The following CACNA2D4 variants were observed in gnomAD, a reference collection of about 807,000 sequenced individuals.
CACNA2D4 encodes calcium voltage-gated channel auxiliary subunit alpha2delta 4, also known as voltage-dependent calcium channel subunit alpha-2/delta-4.
Under a neutral mutation model 163.8 loss-of-function variants are expected in CACNA2D4, and 157 were observed. The ratio of observed to expected loss-of-function variants is 0.96; its 90% CI spans 0.84 to 1.09. The LOEUF (loss-of-function observed/expected upper bound fraction) is 1.09. Ranked by LOEUF, CACNA2D4 falls within the 50% of genes least tolerant of loss-of-function variation. The probability of loss-of-function intolerance (pLI) is 0.00; values close to 1 mark genes in which losing one functional copy is unlikely to be tolerated. For missense variants in CACNA2D4, 1,410 were observed against 1,479.9 expected (o/e 0.95, Z 0.78); for synonymous variants, 598 against 586.9 (o/e 1.02, Z -0.27).
chr12:1,866,787 A>T (rs1228486356), intron 18 of CACNA2D4, among the ~76,000 whole-genome samples: 7 of 136,548 alleles, frequency 5.1e-5, no homozygotes, highest in South Asian at 2.4e-4. Flanking sequence ...CACCTGGCTA[A>T]TTTTTTTTTT....
chr12:1,799,606 GGTTCTTTGTAGCTCCTGCT>G lies in CACNA2D4; in HGVS notation c.2995+50_2995+68del, dbSNP rs1863242273. On this transcript the variant is annotated intron_variant, in intron 34 of 37. Coordinates refer to ENST00000382722, the MANE Select transcript of CACNA2D4 (RefSeq NM_172364.5). The surrounding 1 kb of genome is among the most constrained non-coding windows in gnomAD (Gnocchi z 4.7). ...TTCCTGGGACAGGTCATGGAGGGTG[GGTTCTTTGTAGCTCCTGCT>G]GCGTCCCCAACCCACCGCCAGCAGG... is the stretch of plus-strand genomic sequence containing the variant. The G allele has an allele frequency of 6.6e-7, 1 of 1,506,826 alleles. No individual in the cohort carries two copies. The highest frequency in any genetic ancestry group is 2.0e-5 in the Admixed American group (1 of 50,888). The allele number at this position is 1,506,826 out of a possible 1,614,324, so 93.3% of individuals were successfully genotyped here. A position where few individuals can be genotyped will look rare whatever the true frequency, so the allele number is the denominator to read the frequency against.
In CACNA2D4 at chr12:1,806,438, GC is replaced by G. The variant is rs1183731149; in HGVS notation, c.2721+3839del. On this transcript the variant is annotated intron_variant, in intron 29 of 37. Transcript: ENST00000382722. This position sits in a 1 kb window ranked among gnomAD's most constrained non-coding sequence, Gnocchi z 4.1. ...AAGCAGCCACTCCCTGGGGCTGGCT[GC>G]AGATGAGGCCCTTGTGGTTTCCCCA... Among the ~76,000 whole-genome samples, 2 of 152,236 alleles carry G rather than the reference GC, an allele frequency of 1.3e-5. No homozygotes were observed. Among genetic ancestry groups the G allele is most frequent in the African/African-American group, 4.8e-5 (2 of 41,458 alleles).
intron 1 of CACNA2D4, among the ~76,000 whole-genome samples, chr12:1,915,458 A>G (rs1271262111): frequency 6.6e-6 from 1 of 152,164 alleles, no homozygotes; most frequent in Non-Finnish European, 1.5e-5. Flanking sequence ...GACCCTGAGG[A>G]CAAAGGACAA....
chr12:1,807,316 C>T (rs1259494969), intron 29 of CACNA2D4, among the ~76,000 whole-genome samples: 1 of 151,462 alleles, frequency 6.6e-6, no homozygotes, highest in African/African-American at 2.4e-5. Context: ...CCAGTCAAGC[C>T]TGGACATGAC....
rs1301508679 is a variant in CACNA2D4 at position 1,917,594 on chromosome 12, AG to A, written c.227+652del. On this transcript the variant is annotated intron_variant, in intron 1 of 37. Transcript: ENST00000382722. The surrounding 1 kb of genome is among the most constrained non-coding windows in gnomAD (Gnocchi z 4.3). ...GGCCTAAAACACAGACACCCCAGAG[AG>A]GTTGCACAGTAATTTACATGTACAC... Among the ~76,000 whole-genome samples, 1 of 152,138 alleles carries A rather than the reference AG, an allele frequency of 6.6e-6. No individual in the cohort carries two copies. The highest frequency in any genetic ancestry group is 2.4e-5 in the African/African-American group (1 of 41,420).
At chr12:1,857,099 T>C (rs535691248) in intron 20 of CACNA2D4, among the ~76,000 whole-genome samples, 2 of 151,906 alleles carry the variant, frequency 1.3e-5, no homozygotes, top group South Asian at 4.2e-4. Flanking sequence ...GAGGAAGAAA[T>C]GTGTAGGAAG....
chr12:1,910,760 C>T (rs938408581), intron 3 of CACNA2D4, among the ~76,000 whole-genome samples: 4 of 152,104 alleles, frequency 2.6e-5, no homozygotes, highest in African/African-American at 9.7e-5. Flanking sequence ...CAAATGGTCA[C>T]GTATTGTATG....
intron 29 of CACNA2D4, among the ~76,000 whole-genome samples, chr12:1,807,183 T>C (rs1356147216): frequency 6.6e-6 from 1 of 151,938 alleles, no homozygotes; most frequent in Non-Finnish European, 1.5e-5. Flanking sequence ...TGAAGGAACT[T>C]TGAGCTGTGA....
At chr12:1,832,536 AT>A (rs1248147134) in intron 26 of CACNA2D4, among the ~76,000 whole-genome samples, 2 of 152,364 alleles carry the variant, frequency 1.3e-5, no homozygotes, top group Middle Eastern at 3.4e-3. Flanking sequence ...AGTGGTGAAA[AT>A]AATGCCAATG....
At chr12:1,905,048 C>A (rs1592747485) in intron 6 of CACNA2D4, among the ~76,000 whole-genome samples, 1 of 152,070 alleles carries the variant, frequency 6.6e-6, no homozygotes, top group East Asian at 1.9e-4. Flanking sequence ...TCCTGGAATG[C>A]AAGGATGGTT....
At chr12:1,856,605 T>C (rs549658935) in intron 20 of CACNA2D4, among the ~76,000 whole-genome samples, 1 of 152,182 alleles carries the variant, frequency 6.6e-6, no homozygotes, top group Non-Finnish European at 1.5e-5. Context: ...AGACAGCAGC[T>C]CCCTGAGGAA....
At chr12:1,909,368 A>AT (rs1387392995) in intron 4 of CACNA2D4, among the ~76,000 whole-genome samples, 3 of 152,024 alleles carry the variant, frequency 2.0e-5, no homozygotes, top group Admixed American at 2.0e-4. Context: ...AATTTTTTGC[A>AT]TTTTTTTAGT....
intron 23 of CACNA2D4, among the ~76,000 whole-genome samples, chr12:1,850,474 G>A (rs117738252): frequency 1.1e-4 from 17 of 152,208 alleles, no homozygotes; most frequent in East Asian, 7.7e-4. Context: ...GTCCTTTGTC[G>A]TGAATACATA....
intron 18 of CACNA2D4, among the ~76,000 whole-genome samples, chr12:1,866,277 C>T (rs1046566044): frequency 3.9e-5 from 6 of 152,164 alleles, no homozygotes; most frequent in African/African-American, 1.4e-4. Context: ...ATTGCACTGA[C>T]TGATTAATTT....
At chr12:1,862,927 A>C (rs1173661995) in intron 18 of CACNA2D4, among the ~76,000 whole-genome samples, 1 of 152,040 alleles carries the variant, frequency 6.6e-6, no homozygotes, top group Non-Finnish European at 1.5e-5. Flanking sequence ...CAGAACTTTT[A>C]CTTTCAATGA....
intron 23 of CACNA2D4, among the ~76,000 whole-genome samples, chr12:1,847,309 T>C (rs1234650231): frequency 3.9e-5 from 6 of 152,220 alleles, no homozygotes; most frequent in Non-Finnish European, 5.9e-5. Flanking sequence ...CCAGATGATA[T>C]TCTTGTCTTT....
Position 1,858,641 on chromosome 12 carries a change from C to T in CACNA2D4, c.1944G>A (p.Leu648=). Residue 648 remains leucine (L), a synonymous_variant, in exon 20 of 38, where the codon TTG becomes TTA. Transcript: ENST00000382722. ...CGTGGCCCCGGGACAGCACCACCCC[C>T]AAACTGTGGGGAGAGAAGAGAAGGC... ...FTDISDTPFS[L]GVVLSRGHGE... 1 of 1,600,148 alleles carries T rather than the reference C, an allele frequency of 6.2e-7. No individual in the cohort carries two copies. The highest frequency in any genetic ancestry group is 8.5e-7 in the Non-Finnish European group (1 of 1,172,696).
chr12:1,855,189 G>A (rs1399911318), intron 22 of CACNA2D4, among the ~76,000 whole-genome samples: 2 of 152,180 alleles, frequency 1.3e-5, no homozygotes, highest in African/African-American at 4.8e-5. Context: ...TAAGCTCCAT[G>A]ATAGCAAGGG....
chr12:1,819,343 C>T (rs892082970), intron 26 of CACNA2D4, among the ~76,000 whole-genome samples: 1 of 152,190 alleles, frequency 6.6e-6, no homozygotes, highest in Non-Finnish European at 1.5e-5. Context: ...AAAGACACTG[C>T]AGCTCAAGCC....
Sources: allele counts gnomAD v4.1 joint callset (sites outside exome capture counted in the v4.1 genomes callset), GRCh38; gene constraint gnomAD v4.1.1; non-coding constraint Gnocchi (gnomAD v3.1); transcripts MANE v1.5; gene names NCBI Gene and HGNC (gene_info 2026-07-23, HGNC 2026-07-21).